The following KIAA0513 variants were observed in gnomAD, a reference collection of about 807,000 sequenced individuals.
KIAA0513 encodes uncharacterized protein KIAA0513.
A neutral mutation model predicts 56.5 loss-of-function variants in KIAA0513; 39 were observed. That is an observed-to-expected ratio of 0.69 (90% CI 0.53 to 0.90). The LOEUF (loss-of-function observed/expected upper bound fraction) is 0.90. KIAA0513 is among the 40% of genes least tolerant of loss of function. The pLI is 0.00. For missense variants in KIAA0513, 591 were observed against 535.2 expected (o/e 1.10, Z -1.03); for synonymous variants, 268 against 215.6 (o/e 1.24, Z -2.13).
intron 4 of KIAA0513, among the ~76,000 whole-genome samples, chr16:85,073,261 T>C (rs12934841): frequency 0.069 from 10,572 of 152,244 alleles, 390 homozygotes; most frequent in Middle Eastern, 0.085. Context: ...GTGTGGGTCC[T>C]CAGGGCCAGA....
chr16:85,031,999 T>C (rs1200103152), intron 1 of KIAA0513, among the ~76,000 whole-genome samples: 1 of 152,146 alleles, frequency 6.6e-6, no homozygotes, highest in Non-Finnish European at 1.5e-5. Context: ...TCGGGAGTGC[T>C]CTCACAAAGA....
chr16:85,055,272 G>A (rs1375414640), intron 1 of KIAA0513, among the ~76,000 whole-genome samples: 1 of 152,004 alleles, frequency 6.6e-6, no homozygotes, highest in Admixed American at 6.6e-5. Context: ...AAATAGAAAA[G>A]GAGTGTCCAC....
At chr16:85,042,601 T>C (rs981262728) in intron 1 of KIAA0513, among the ~76,000 whole-genome samples, 1 of 152,242 alleles carries the variant, frequency 6.6e-6, no homozygotes, top group African/African-American at 2.4e-5. Context: ...TTTTAGCTCA[T>C]ATGTTACTGG....
At position 85,081,662 on chromosome 16, in the gene KIAA0513, A is replaced by G. The variant is rs1471285662; in HGVS notation, c.980+270A>G. On this transcript the variant is annotated intron_variant, in intron 9 of 12. Coordinates refer to ENST00000683363, the MANE Select transcript of KIAA0513 (RefSeq NM_001388359.1). The surrounding 1 kb of genome is among the most constrained non-coding windows in gnomAD (Gnocchi z 4.4). ...AAAAATGCAAACTCCCACTAAGACC[A>G]TCAGGACCCCTGCTGCTGGGCCCAC... Among the ~76,000 whole-genome samples the G allele has an allele frequency of 2.6e-5, 4 of 152,216 alleles. No individual in the cohort carries two copies. In the East Asian group the frequency reaches 7.7e-4, roughly 29 times the overall value.
intron 1 of KIAA0513, among the ~76,000 whole-genome samples, chr16:85,038,191 G>A (rs2073059616): frequency 6.6e-6 from 1 of 152,100 alleles, no homozygotes; most frequent in Non-Finnish European, 1.5e-5. Flanking sequence ...AATGGCCCAG[G>A]TCCATGCCCT....
intron 5 of KIAA0513, among the ~76,000 whole-genome samples, chr16:85,077,070 G>C (rs1464518707): frequency 6.6e-6 from 1 of 152,154 alleles, no homozygotes; most frequent in African/African-American, 2.4e-5. Flanking sequence ...CAGGGGCCTG[G>C]TGCCCAGCTG....
intron 1 of KIAA0513, among the ~76,000 whole-genome samples, chr16:85,054,017 G>C (rs982854184): frequency 1.0e-4 from 15 of 146,294 alleles, no homozygotes; most frequent in African/African-American, 3.8e-4. Flanking sequence ...AAAATTAGCT[G>C]AGTGTGGTGG....
chr16:85,065,042 G>A (rs542735438), intron 1 of KIAA0513, among the ~76,000 whole-genome samples: 5 of 152,208 alleles, frequency 3.3e-5, no homozygotes, highest in East Asian at 1.9e-4. Flanking sequence ...GTAGCTGTTA[G>A]AATATAGACT....
chr16:85,078,347 C>CAGCTCCACGCTGT, intron 6 of KIAA0513, 68 bp from the exon 7 acceptor site: 1 of 1,561,996 alleles, frequency 6.4e-7, no homozygotes, highest in East Asian at 2.3e-5. Flanking sequence ...AAGTGTAGAA[C>CAGCTCCACGCTGT]AGCGTCTTTG....
chr16:85,073,156 G>A (rs372905831), intron 4 of KIAA0513, among the ~76,000 whole-genome samples, 158 bp downstream of exon 4: 2 of 152,154 alleles, frequency 1.3e-5, no homozygotes, highest in Non-Finnish European at 2.9e-5. Context: ...CAGCTAAAAG[G>A]CACAGTCGTG....
At chr16:85,053,398 A>G (rs1258248602) in intron 1 of KIAA0513, among the ~76,000 whole-genome samples, 1 of 152,186 alleles carries the variant, frequency 6.6e-6, no homozygotes, top group African/African-American at 2.4e-5. Flanking sequence ...TCATTCTGTA[A>G]GTTAACTGTA....
At chr16:85,036,563 C>G (rs2073039193) in intron 1 of KIAA0513, among the ~76,000 whole-genome samples, 1 of 150,306 alleles carries the variant, frequency 6.7e-6, no homozygotes, top group Non-Finnish European at 1.5e-5. Flanking sequence ...CCTTCTGGCC[C>G]TCTGCACTCG....
rs1376179205 is a variant in KIAA0513 at position 85,088,780 on chromosome 16, G to A, written c.*455G>A. ...TGGGTGGCCGTGGGCCACCTTCCCTGCAATGGGTGCACACGCGGCTCCCAT... is the reference window on the plus strand; with the variant it reads ...TGGGTGGCCGTGGGCCACCTTCCCTACAATGGGTGCACACGCGGCTCCCAT... On this transcript the variant is annotated 3_prime_UTR_variant, in exon 13 of 13. Transcript: ENST00000683363. 5.8e-6 allele frequency: 1 copy of A among 172,056 alleles called. No homozygotes were observed. The highest frequency in any genetic ancestry group is 1.2e-5 in the Non-Finnish European group (1 of 80,462). 10.7% of individuals were successfully genotyped at this position (172,056 alleles called of 1,614,324 possible).
At chr16:85,043,864 C>A (rs993111920) in intron 1 of KIAA0513, among the ~76,000 whole-genome samples, 1 of 152,154 alleles carries the variant, frequency 6.6e-6, no homozygotes, top group Non-Finnish European at 1.5e-5. Context: ...GAAACCCCAT[C>A]TCTACTAAAA....
chr16:85,093,866 G>A lies in KIAA0513; in HGVS notation c.*5541G>A, dbSNP rs715707. 12,080 of 152,258 alleles carry A rather than the reference G, an allele frequency of 0.079. 761 individuals carry two copies. Among genetic ancestry groups the A allele is most frequent in the African/African-American group, 0.17 (7,213 of 41,502 alleles). 9.4% of individuals were successfully genotyped at this position (152,258 alleles called of 1,614,324 possible). ...AAAACATGTAAATGTGTCAGAACAC[G>A]GTTGACCTGCCGCCTTCTTGAACCT... On this transcript the variant is annotated 3_prime_UTR_variant, in exon 13 of 13. Transcript: ENST00000683363.
intron 4 of KIAA0513, among the ~76,000 whole-genome samples, chr16:85,074,158 A>G (rs2073620799): frequency 6.6e-6 from 1 of 151,892 alleles, no homozygotes; most frequent in Non-Finnish European, 1.5e-5. Context: ...TATTTTTAGT[A>G]GAGACAGGGT....
rs1374657023 is a variant in KIAA0513 at position 85,090,573 on chromosome 16, G to A, written c.*2248G>A. 1 of 152,178 alleles carries A rather than the reference G, an allele frequency of 6.6e-6. No individual in the cohort carries two copies. The highest frequency in any genetic ancestry group is 1.5e-5 in the Non-Finnish European group (1 of 68,040). The allele number at this position is 152,178 out of a possible 1,614,324, so 9.4% of individuals were successfully genotyped here. On this transcript the variant is annotated 3_prime_UTR_variant, in exon 13 of 13. Coordinates refer to ENST00000683363, the MANE Select transcript of KIAA0513 (RefSeq NM_001388359.1). ...CACTTTTTTCTCCACATAGACTCTT[G>A]AAATAGCCATTTCAGGGGAGGAAAG...
intron 4 of KIAA0513, among the ~76,000 whole-genome samples, chr16:85,073,659 C>G (rs2073612338): frequency 6.6e-6 from 1 of 152,204 alleles, no homozygotes; most frequent in Non-Finnish European, 1.5e-5. Flanking sequence ...GAGGGGATGC[C>G]TCTTGGCCTT....
chr16:85,053,503 G>A (rs1257821047), intron 1 of KIAA0513, among the ~76,000 whole-genome samples: 5 of 152,132 alleles, frequency 3.3e-5, no homozygotes, highest in African/African-American at 1.2e-4. Context: ...CTGGACTAGA[G>A]TTTGCCCCAT....
Sources: gnomAD v4.1 joint callset for allele counts (sites outside exome capture counted in the v4.1 genomes callset) on GRCh38, gnomAD v4.1.1 for gene constraint, Gnocchi (gnomAD v3.1) non-coding constraint, MANE v1.5 for transcripts, NCBI Gene and HGNC (gene_info 2026-07-23, HGNC 2026-07-21) for gene names.